The following NR1H4 variants were observed in gnomAD, a reference collection of about 807,000 sequenced individuals.
NR1H4 encodes the protein bile acid receptor.
A neutral mutation model predicts 58.5 loss-of-function variants in NR1H4; 23 were observed. That is an observed-to-expected ratio of 0.39 (90% CI 0.28 to 0.56). NR1H4 has a LOEUF of 0.56. NR1H4 is among the 20% of genes least tolerant of loss of function. The pLI is 0.58. For missense variants in NR1H4, 487 were observed against 576.9 expected (o/e 0.84, Z 1.60); for synonymous variants, 214 against 198.0 (o/e 1.08, Z -0.68).
At chr12:100,535,203 C>A (rs1370159936) in intron 6 of NR1H4, among the ~76,000 whole-genome samples, 180 bp downstream of exon 6, 1 of 152,198 alleles carries the variant, frequency 6.6e-6, no homozygotes, top group Non-Finnish European at 1.5e-5. Flanking sequence ...AGTAGCAATG[C>A]ATAAACTAAA....
intron 9 of NR1H4, among the ~76,000 whole-genome samples, chr12:100,558,144 A>G (rs1955374091): frequency 6.7e-6 from 1 of 150,300 alleles, no homozygotes; most frequent in East Asian, 2.0e-4. Flanking sequence ...GTGGATCACA[A>G]GGTCAGGGTT....
intron 1 of NR1H4, among the ~76,000 whole-genome samples, chr12:100,475,144 T>C (rs1457698848): frequency 6.9e-6 from 1 of 143,974 alleles, no homozygotes; most frequent in Non-Finnish European, 1.5e-5. Context: ...TATCTATCTA[T>C]CTATCTATCT....
intron 3 of NR1H4, among the ~76,000 whole-genome samples, chr12:100,505,348 G>A (rs1276765301): frequency 6.6e-6 from 1 of 152,200 alleles, no homozygotes; most frequent in Non-Finnish European, 1.5e-5. Flanking sequence ...TATGCCACAT[G>A]TGGCTATTCA....
chr12:100,544,471 C>T (rs575733069), intron 9 of NR1H4, among the ~76,000 whole-genome samples: 11 of 152,090 alleles, frequency 7.2e-5, no homozygotes, highest in Non-Finnish European at 1.5e-4. Flanking sequence ...TTATTAGCTA[C>T]ATGTCCCATT....
intron 3 of NR1H4, among the ~76,000 whole-genome samples, chr12:100,508,914 G>A (rs897047851): frequency 1.3e-5 from 2 of 152,118 alleles, no homozygotes; most frequent in African/African-American, 4.8e-5. Flanking sequence ...CACTTGCTGT[G>A]AATATTCATA....
intron 10 of NR1H4, 140 bp downstream of exon 10, chr12:100,562,138 C>T (rs560295721): frequency 1.6e-6 from 1 of 613,332 alleles, no homozygotes; most frequent in South Asian, 1.9e-5. Context: ...CAAATAGAAC[C>T]ATTATTAACC....
chr12:100,496,966 C>T (rs1232198047), intron 3 of NR1H4, among the ~76,000 whole-genome samples: 2 of 152,022 alleles, frequency 1.3e-5, no homozygotes, highest in African/African-American at 4.8e-5. Flanking sequence ...ATGTTTATTC[C>T]AAAAAGCAGA....
chr12:100,497,423 G>T (rs968650740), intron 3 of NR1H4, among the ~76,000 whole-genome samples: 1 of 152,184 alleles, frequency 6.6e-6, no homozygotes, highest in Non-Finnish European at 1.5e-5. Context: ...GAGACGGGCT[G>T]AAGGGATGTG....
At position 100,548,228 on chromosome 12, in the gene NR1H4, A is replaced by G. The variant is rs374594057; in HGVS notation, c.1078+7410A>G. ...TAAAAATATAAAAAATTAGCCGGGC[A>G]TGGTGGCACGCACCTGTAGTCCCAG... is the stretch of plus-strand genomic sequence containing the variant. On this transcript the variant is annotated intron_variant, in intron 9 of 10. Coordinates refer to ENST00000392986, the MANE Select transcript of NR1H4 (RefSeq NM_001206979.2). 1.5e-4 allele frequency among the ~76,000 whole-genome samples: 22 copies of G among 151,234 alleles called. No individual in the cohort carries two copies. In the East Asian group the frequency reaches 3.0e-3, roughly 21 times the overall value.
At chr12:100,493,515 C>T (rs1953648455) in intron 3 of NR1H4, 113 bp downstream of exon 3, 1 of 675,638 alleles carries the variant, frequency 1.5e-6, no homozygotes, top group Non-Finnish European at 2.7e-6. Flanking sequence ...GTTTTTGTTC[C>T]TTCCAAGTAC....
chr12:100,517,160 G>A (rs76662611), intron 4 of NR1H4, among the ~76,000 whole-genome samples: 8,941 of 152,114 alleles, frequency 0.059, 543 homozygotes, highest in East Asian at 0.15. Context: ...TCTTGGACCC[G>A]TTGACTAATT....
chr12:100,516,527 C>T lies in NR1H4; in HGVS notation c.445+5384C>T, dbSNP rs148547901. ...GACTACAGGCACCTGCCACCACGCC[C>T]GGCTAATTTTTTGTATTTTTAGTAG... On this transcript the variant is annotated intron_variant, in intron 4 of 10. Coordinates refer to ENST00000392986, the MANE Select transcript of NR1H4 (RefSeq NM_001206979.2). Among the ~76,000 whole-genome samples the T allele has an allele frequency of 2.1e-3, 319 of 152,124 alleles. 3 individuals are homozygous for T. Among genetic ancestry groups the T allele is most frequent in the African/African-American group, 7.1e-3 (295 of 41,498 alleles).
chr12:100,482,268 G>A (rs1953398374), intron 1 of NR1H4, among the ~76,000 whole-genome samples: 1 of 152,100 alleles, frequency 6.6e-6, no homozygotes, highest in Non-Finnish European at 1.5e-5. Flanking sequence ...TTGTGGGGAA[G>A]CAGACTTAGT....
chr12:100,535,052 A>C, intron 6 of NR1H4, 29 bp downstream of exon 6: 1 of 1,613,828 alleles, frequency 6.2e-7, no homozygotes, highest in African/African-American at 1.3e-5. Context: ...GTCTGCCAAG[A>C]CTGGCAGGAA....
chr12:100,476,715 A>C (rs1953278748), intron 1 of NR1H4, among the ~76,000 whole-genome samples: 1 of 152,126 alleles, frequency 6.6e-6, no homozygotes, highest in Non-Finnish European at 1.5e-5. Context: ...CAGATTATAA[A>C]GGGGAATAAA....
At chr12:100,556,471 G>T (rs35737) in intron 9 of NR1H4, among the ~76,000 whole-genome samples, 4 of 141,168 alleles carry the variant, frequency 2.8e-5, no homozygotes, top group South Asian at 2.4e-4. Flanking sequence ...CCGTCTCAAA[G>T]AAAAAAAAAA....
chr12:100,514,678 T>C (rs1274574597), intron 4 of NR1H4, among the ~76,000 whole-genome samples: 1 of 152,152 alleles, frequency 6.6e-6, no homozygotes, highest in Non-Finnish European at 1.5e-5. Context: ...AATATAGAGC[T>C]TCTCAAACTT....
At chr12:100,516,282 G>T (rs548767649) in intron 4 of NR1H4, among the ~76,000 whole-genome samples, 1 of 152,102 alleles carries the variant, frequency 6.6e-6, no homozygotes, top group Non-Finnish European at 1.5e-5. Context: ...AAAAGAACAC[G>T]CATAATTTAT....
chr12:100,507,818 C>T (rs908347837), intron 3 of NR1H4, among the ~76,000 whole-genome samples: 5 of 152,086 alleles, frequency 3.3e-5, no homozygotes, highest in African/African-American at 1.2e-4. Context: ...GATTTTTGTA[C>T]AGATACTGTA....
Sources: allele counts gnomAD v4.1 joint callset (sites outside exome capture counted in the v4.1 genomes callset), GRCh38; gene constraint gnomAD v4.1.1; transcripts MANE v1.5; gene names NCBI Gene and HGNC (gene_info 2026-07-23, HGNC 2026-07-21).